The following ADAM7 variants were observed in gnomAD, a reference collection of about 807,000 sequenced individuals.
ADAM7 encodes the protein disintegrin and metalloproteinase domain-containing protein 7.
Under a neutral mutation model 102.9 loss-of-function variants are expected in ADAM7, and 97 were observed. That is an observed-to-expected ratio of 0.94 (90% CI 0.80 to 1.12). The LOEUF is 1.12. Ranked by LOEUF, ADAM7 falls within the 50% of genes most tolerant of loss-of-function variation. The pLI is 0.00. For missense variants in ADAM7, 991 were observed against 908.7 expected, an observed-to-expected ratio of 1.09 and a Z score of -1.16; for synonymous variants, 334 against 304.4, an observed-to-expected ratio of 1.10 and a Z score of -1.01.
At chr8:24,500,348 G>A in intron 18 of ADAM7, 92 bp downstream of exon 18, 1 of 1,193,964 alleles carries the variant, frequency 8.4e-7, no homozygotes, top group East Asian at 2.4e-5. Flanking sequence ...CTTATTTGCT[G>A]TGTTTTGATA....
In ADAM7 at chr8:24,499,329, T is replaced by A; in HGVS notation, c.1923+13T>A. The A allele has an allele frequency of 1.9e-6, 3 of 1,580,502 alleles. No individual in the cohort carries two copies. The South Asian group carries it at 3.5e-5, about 18-fold the overall frequency. On this transcript the variant is annotated intron_variant, in intron 17 of 21. Coordinates refer to ENST00000175238, the MANE Select transcript of ADAM7 (RefSeq NM_003817.4). ...CAATGAAAATCCTGTAAGATATGAC[T>A]GCTTTCAAAATTAATGTCTTATCAG...
rs188818105 is a variant in ADAM7 at position 24,450,307 on chromosome 8, G to T, written c.233+3045G>T. On this transcript the variant is annotated intron_variant, in intron 3 of 21. Transcript: ENST00000175238. ...GCATGGAATGTTCTTCCATTTCTTT[G>T]TATCCTCTTTTATTTCACTGAGCAA... Among the ~76,000 whole-genome samples the T allele has an allele frequency of 8.7e-3, 1,324 of 152,142 alleles. 20 individuals are homozygous for T. Among genetic ancestry groups the T allele is most frequent in the African/African-American group, 0.031 (1,270 of 41,520 alleles).
At chr8:24,446,526 C>T (rs532773939) in intron 2 of ADAM7, among the ~76,000 whole-genome samples, 74 of 151,830 alleles carry the variant, frequency 4.9e-4, no homozygotes, top group African/African-American at 6.5e-4. Flanking sequence ...CTCTGTCCAA[C>T]GACAGGGAAT....
At chr8:24,451,069 T>G (rs999799848) in intron 3 of ADAM7, among the ~76,000 whole-genome samples, 3 of 152,016 alleles carry the variant, frequency 2.0e-5, no homozygotes, top group African/African-American at 7.3e-5. Flanking sequence ...TTATTGAGGA[T>G]TTTTGCATCA....
intron 13 of ADAM7, among the ~76,000 whole-genome samples, chr8:24,491,636 C>G (rs905102358): frequency 6.6e-6 from 1 of 152,068 alleles, no homozygotes; most frequent in Non-Finnish European, 1.5e-5. Flanking sequence ...AATGAGAACA[C>G]CTGCCCGTTT....
At chr8:24,477,246 G>A (rs1563385638) in intron 8 of ADAM7, among the ~76,000 whole-genome samples, 1 of 152,184 alleles carries the variant, frequency 6.6e-6, no homozygotes, top group Non-Finnish European at 1.5e-5. Flanking sequence ...CATATGGAAA[G>A]TGTATGCTTC....
At chr8:24,445,244 T>G (rs933694076) in intron 2 of ADAM7, among the ~76,000 whole-genome samples, 7 of 152,112 alleles carry the variant, frequency 4.6e-5, no homozygotes, top group Non-Finnish European at 1.0e-4. Flanking sequence ...ACCCTTTCTA[T>G]CTGATTAAGT....
Position 24,442,557 on chromosome 8 carries a change from C to A in ADAM7, c.137C>A (p.Thr46Asn). The A allele has an allele frequency of 6.2e-7, 1 of 1,613,750 alleles. No individual in the cohort carries two copies. The highest frequency in any genetic ancestry group is 8.5e-7 in the Non-Finnish European group (1 of 1,179,680). Residue 46 changes from threonine (T) to asparagine (N), a missense_variant, in exon 2 of 22, where the codon ACC (threonine) becomes AAC (asparagine). By Grantham distance (65) the Thr-to-Asn change is moderately conservative. Transcript: ENST00000175238. ...PLIQKRDTGH[T>N]HDDDILKTYE... ...ATACAGAAGCGAGATACTGGACACA[C>A]CCATGATGATGACATACTGGTACAA...
chr8:24,499,264 T>G lies in ADAM7; in HGVS notation c.1871T>G (p.Met624Arg), dbSNP rs1435696652. 1 of 1,607,154 alleles carries G rather than the reference T, an allele frequency of 6.2e-7. No individual in the cohort carries two copies. Among genetic ancestry groups the G allele is most frequent in the East Asian group, 2.3e-5 (1 of 44,376 alleles). ...TGCAACAATGGTGAATGTCTAAACA[T>G]GGAAAAGGTCTATATCTCAACCAAT... ...MVCNNGECLN[M>R]EKVYISTNCP... Residue 624 changes from methionine to arginine, a missense_variant, in exon 17 of 22, where the codon ATG becomes AGG. Coordinates refer to ENST00000175238, the MANE Select transcript of ADAM7 (RefSeq NM_003817.4).
intron 3 of ADAM7, among the ~76,000 whole-genome samples, chr8:24,448,906 G>T (rs919947619): frequency 6.6e-6 from 1 of 151,996 alleles, no homozygotes; most frequent in South Asian, 2.1e-4. Flanking sequence ...TGCGGTGTTT[G>T]CATTTTTGTT....
chr8:24,488,541 C>T (rs1283735632), intron 11 of ADAM7, among the ~76,000 whole-genome samples: 1 of 152,030 alleles, frequency 6.6e-6, no homozygotes, highest in Non-Finnish European at 1.5e-5. Context: ...TAGTATTTTA[C>T]AGAGTCCTAG....
intron 3 of ADAM7, among the ~76,000 whole-genome samples, chr8:24,449,819 T>C (rs1449104340): frequency 6.6e-6 from 1 of 152,258 alleles, no homozygotes; most frequent in Non-Finnish European, 1.5e-5. Flanking sequence ...CCTGAATTAA[T>C]TTTTGTATAA....
rs544931596 is a variant in ADAM7 at position 24,467,169 on chromosome 8, G to GAGTAAATCTC, written c.579+184_579+185insAAATCTCAGT. On this transcript the variant is annotated intron_variant, in intron 6 of 21. Coordinates refer to ENST00000175238, the MANE Select transcript of ADAM7 (RefSeq NM_003817.4). Reference sequence around the variant, plus strand: ...CTATGTAAAAAGTGTTTATTTCATAGAGTTTGTTTAATCAGTTTCAAGAAA... The same window carrying GAGTAAATCTC: ...CTATGTAAAAAGTGTTTATTTCATAGAGTAAATCTCAGTTTGTTTAATCAGTTTCAAGAAA... 2.3e-4 allele frequency: 141 copies of GAGTAAATCTC among 619,534 alleles called. 2 individuals are homozygous for GAGTAAATCTC. The highest frequency in any genetic ancestry group is 2.1e-3 in the African/African-American group (116 of 54,294). 38.4% of individuals were successfully genotyped at this position (619,534 alleles called of 1,614,324 possible). A position where few individuals can be genotyped will look rare whatever the true frequency, so the allele number is the denominator to read the frequency against.
chr8:24,508,308 A>T (rs1414912965), intron 21 of ADAM7, among the ~76,000 whole-genome samples: 1 of 152,144 alleles, frequency 6.6e-6, no homozygotes, highest in Non-Finnish European at 1.5e-5. Context: ...GTGCCAGCAA[A>T]CTGTTTGGCA....
intron 11 of ADAM7, among the ~76,000 whole-genome samples, chr8:24,488,224 T>C (rs965230629): frequency 2.6e-5 from 4 of 152,186 alleles, no homozygotes; most frequent in Admixed American, 2.0e-4. Context: ...AACACCACTG[T>C]ACTAGAAAAG....
At chr8:24,455,959 A>T (rs1052612125) in intron 3 of ADAM7, among the ~76,000 whole-genome samples, 97 of 147,104 alleles carry the variant, frequency 6.6e-4, no homozygotes, top group African/African-American at 2.1e-3. Flanking sequence ...TCAACTACTT[A>T]TTTTTTTTTT....
chr8:24,505,706 C>G (rs938543901), intron 20 of ADAM7, among the ~76,000 whole-genome samples: 1 of 152,058 alleles, frequency 6.6e-6, no homozygotes, highest in Non-Finnish European at 1.5e-5. Flanking sequence ...ACCATGCTTT[C>G]TAGTTGTATT....
intron 20 of ADAM7, among the ~76,000 whole-genome samples, 158 bp from the exon 21 acceptor site, chr8:24,507,322 C>A (rs1284221821): frequency 6.6e-6 from 1 of 151,692 alleles, no homozygotes; most frequent in Admixed American, 6.6e-5. Flanking sequence ...CTGTCTTAAG[C>A]AATTTACAAA....
chr8:24,474,545 A>G (rs1819706492), intron 7 of ADAM7, among the ~76,000 whole-genome samples: 1 of 152,138 alleles, frequency 6.6e-6, no homozygotes, highest in Non-Finnish European at 1.5e-5. Flanking sequence ...GTTAATGAGC[A>G]TTCAATATGC....
Sources: allele counts gnomAD v4.1 joint callset (sites outside exome capture counted in the v4.1 genomes callset), GRCh38; gene constraint gnomAD v4.1.1; transcripts MANE v1.5; gene names NCBI Gene and HGNC (gene_info 2026-07-23, HGNC 2026-07-21).